Variants in CNTN6 observed in about 807,000 individuals in gnomAD.
CNTN6 encodes contactin-6.
In CNTN6, 137 loss-of-function variants were observed where a neutral mutation model predicts 122.8. That is an observed-to-expected ratio of 1.12 (90% CI 0.97 to 1.29). The LOEUF (loss-of-function observed/expected upper bound fraction) is 1.29, where lower values mean the gene tolerates loss of function less well. Ranked by LOEUF, CNTN6 falls within the 50% of genes most tolerant of loss-of-function variation. The pLI, the probability that CNTN6 is intolerant of heterozygous loss-of-function variation, is 0.00. For synonymous variants in CNTN6, 570 were observed against 426.0 expected (o/e 1.34, Z -4.16); for missense variants, 1,634 against 1,223.4 (o/e 1.34, Z -5.01).
intron 11 of CNTN6, among the ~76,000 whole-genome samples, chr3:1,336,280 A>G (rs1332666343): frequency 6.7e-6 from 1 of 150,114 alleles, no homozygotes; most frequent in Non-Finnish European, 1.5e-5. Flanking sequence ...CAGGCACTTT[A>G]CATATCTCAA....
At chr3:1,162,843 T>C (rs1360320107) in intron 2 of CNTN6, among the ~76,000 whole-genome samples, 1 of 152,234 alleles carries the variant, frequency 6.6e-6, no homozygotes, top group Non-Finnish European at 1.5e-5. Flanking sequence ...ATCATCTAGC[T>C]AGACATTCTG....
intron 5 of CNTN6, among the ~76,000 whole-genome samples, chr3:1,287,881 T>C (rs1694617167): frequency 6.6e-6 from 1 of 152,202 alleles, no homozygotes; most frequent in Non-Finnish European, 1.5e-5. Flanking sequence ...AACTAATGAA[T>C]GTTCCTCCCC....
chr3:1,229,204 T>C (rs2094323737), intron 4 of CNTN6, among the ~76,000 whole-genome samples: 1 of 152,214 alleles, frequency 6.6e-6, no homozygotes, highest in African/African-American at 2.4e-5. Flanking sequence ...TAAAAATATT[T>C]ATAACACTTG....
intron 1 of CNTN6, among the ~76,000 whole-genome samples, chr3:1,102,462 G>A (rs1438492786): frequency 6.6e-6 from 1 of 152,348 alleles, no homozygotes; most frequent in East Asian, 1.9e-4. Context: ...CGGGCGCGGT[G>A]GCTCCCGCCT....
chr3:1,331,528 G>C (rs1702289716), intron 11 of CNTN6, among the ~76,000 whole-genome samples: 1 of 151,904 alleles, frequency 6.6e-6, no homozygotes, highest in African/African-American at 2.4e-5. Context: ...TAGGAGATTT[G>C]CTCCCAACAG....
intron 1 of CNTN6, among the ~76,000 whole-genome samples, chr3:1,106,625 C>G (rs1265914401): frequency 6.6e-6 from 1 of 151,986 alleles, no homozygotes; most frequent in Non-Finnish European, 1.5e-5. Context: ...TTACTTATAG[C>G]TTAGAATAAT....
chr3:1,132,652 G>C (rs192903312), intron 1 of CNTN6, among the ~76,000 whole-genome samples: 22 of 74,404 alleles, frequency 3.0e-4, no homozygotes, highest in African/African-American at 1.1e-3. Context: ...GGGAAACTCT[G>C]TCTAAAAAAT....
chr3:1,180,714 G>T (rs2093538682), intron 2 of CNTN6, among the ~76,000 whole-genome samples: 1 of 152,198 alleles, frequency 6.6e-6, no homozygotes, highest in African/African-American at 2.4e-5. Flanking sequence ...TCTATTGATT[G>T]TATGAGAGGT....
At chr3:1,296,293 C>T (rs763378204) in intron 6 of CNTN6, among the ~76,000 whole-genome samples, 3 of 151,874 alleles carry the variant, frequency 2.0e-5, no homozygotes, top group Non-Finnish European at 2.9e-5. Context: ...CAAAGCAAAC[C>T]AACATTAATT....
intron 11 of CNTN6, among the ~76,000 whole-genome samples, chr3:1,339,078 C>T (rs1703514551): frequency 6.6e-6 from 1 of 151,620 alleles, no homozygotes. Context: ...TTTTTTTAAG[C>T]CACTGACTAG....
rs2094196764 is a variant in CNTN6, at chr3:1,220,762, C to G, written c.131C>G (p.Ser44Cys). 1 of 1,612,674 alleles carries G rather than the reference C, an allele frequency of 6.2e-7. No homozygotes were observed. The highest frequency in any genetic ancestry group is 8.5e-7 in the Non-Finnish European group (1 of 1,179,278). Residue 44 changes from serine to cysteine, a missense_variant, in exon 3 of 23, where the codon TCT (serine) becomes TGT (cysteine). Ser to Cys is a moderately radical substitution (Grantham distance 112). Transcript: ENST00000446702. ...ATTTTTCCTTTGGATTTATCAAAAT[C>G]TGAGGTCATCCTGAATTGTGCTGCT... The part of the protein sequence containing the change: ...DVIFPLDLSK[S>C]EVILNCAANG...
At chr3:1,299,824 AATTACCAT>A (rs1696888135) in intron 7 of CNTN6, among the ~76,000 whole-genome samples, 1 of 152,204 alleles carries the variant, frequency 6.6e-6, no homozygotes, top group Non-Finnish European at 1.5e-5. Context: ...AATCTCTATG[AATTACCAT>A]ATTTTCATCT....
chr3:1,361,761 A>T (rs1470497909), intron 12 of CNTN6, among the ~76,000 whole-genome samples: 5 of 152,168 alleles, frequency 3.3e-5, no homozygotes, highest in Non-Finnish European at 7.3e-5. Context: ...TTTAAAAATG[A>T]ACAAAAACAG....
At chr3:1,172,890 T>A (rs1368787570) in intron 2 of CNTN6, among the ~76,000 whole-genome samples, 3 of 152,154 alleles carry the variant, frequency 2.0e-5, no homozygotes, top group Non-Finnish European at 4.4e-5. Context: ...TCTGTTGGTG[T>A]CTCACTTGGC....
At chr3:1,255,471 A>C (rs569208659) in intron 4 of CNTN6, among the ~76,000 whole-genome samples, 1 of 151,878 alleles carries the variant, frequency 6.6e-6, no homozygotes, top group Non-Finnish European at 1.5e-5. Context: ...CCTATTGAGG[A>C]AAAAAGGGAA....
At position 1,327,632 on chromosome 3, in the gene CNTN6, C is replaced by A. The variant is rs763027163; in HGVS notation, c.1213+46C>A. 1.9e-6 allele frequency: 3 copies of A among 1,594,270 alleles called. No individual in the cohort carries two copies. In the East Asian group the frequency reaches 6.8e-5, roughly 36 times the overall value. ...CAACAAATTCAAAATGACGTTTTAA[C>A]AAGCTATAATTATGCATAATCCCAA... On this transcript the variant is annotated intron_variant, in intron 10 of 22. Transcript: ENST00000446702.
intron 20 of CNTN6, among the ~76,000 whole-genome samples, chr3:1,389,878 C>A (rs909868995): frequency 2.0e-5 from 3 of 151,616 alleles, no homozygotes; most frequent in Non-Finnish European, 4.4e-5. Context: ...AATATCTATG[C>A]ACCCAATACA....
intron 3 of CNTN6, among the ~76,000 whole-genome samples, chr3:1,223,770 C>T (rs1009911499): frequency 1.3e-5 from 2 of 152,314 alleles, no homozygotes; most frequent in East Asian, 1.9e-4. Flanking sequence ...GTAATTTAGT[C>T]TACTCTACCC....
intron 17 of CNTN6, among the ~76,000 whole-genome samples, chr3:1,381,476 A>T (rs1691870017): frequency 6.6e-6 from 1 of 152,072 alleles, no homozygotes; most frequent in Admixed American, 6.5e-5. Context: ...GGAAGTAATG[A>T]GGACAGGAAA....
Sources: allele counts gnomAD v4.1 joint callset (sites outside exome capture counted in the v4.1 genomes callset), GRCh38; gene constraint gnomAD v4.1.1; transcripts MANE v1.5; gene names NCBI Gene and HGNC (gene_info 2026-07-23, HGNC 2026-07-21).